Variants in CTNND2 observed in about 807,000 individuals in gnomAD.
CTNND2 encodes catenin delta 2.
CTNND2 carries 22 observed loss-of-function variants against 144.4 expected under a neutral mutation model. That is an observed-to-expected ratio of 0.15 (90% CI 0.11 to 0.22). CTNND2 has a LOEUF of 0.22. Ranked by LOEUF, CTNND2 falls within the 10% of genes least tolerant of loss-of-function variation. The probability of loss-of-function intolerance (pLI) is 1.00; values close to 1 mark genes in which losing one functional copy is unlikely to be tolerated. For missense variants in CTNND2, 1,353 were observed against 1,618.8 expected (o/e 0.84, Z 2.82); for synonymous variants, 751 against 695.6 (o/e 1.08, Z -1.25).
chr5:11,003,774 G>A (rs1561155773), intron 18 of CTNND2, among the ~76,000 whole-genome samples: 1 of 152,136 alleles, frequency 6.6e-6, no homozygotes, highest in African/African-American at 2.4e-5. Context: ...TAAATTTTAA[G>A]GGCCAAAAGG....
At chr5:11,173,959 G>C (rs1194438968) in intron 11 of CTNND2, among the ~76,000 whole-genome samples, 2 of 152,152 alleles carry the variant, frequency 1.3e-5, no homozygotes, top group Non-Finnish European at 2.9e-5. Flanking sequence ...GGGCAGGCAA[G>C]GTAGGAGGCC....
intron 16 of CTNND2, among the ~76,000 whole-genome samples, chr5:11,042,994 T>C (rs1408704409): frequency 1.3e-5 from 2 of 152,120 alleles, no homozygotes; most frequent in African/African-American, 4.8e-5. Context: ...TAGTATCCTT[T>C]CTCAAAAAAT....
chr5:11,466,621 T>C (rs938850134), intron 3 of CTNND2, among the ~76,000 whole-genome samples: 1 of 152,238 alleles, frequency 6.6e-6, no homozygotes, highest in Admixed American at 6.5e-5. Context: ...TCTTCCATTC[T>C]ATTTAAAGTA....
At chr5:11,884,655 T>C (rs1736386070) in intron 1 of CTNND2, among the ~76,000 whole-genome samples, 1 of 152,200 alleles carries the variant, frequency 6.6e-6, no homozygotes, top group Non-Finnish European at 1.5e-5. Context: ...ACTTTATTTT[T>C]TTCTCTTGTC....
intron 9 of CTNND2, among the ~76,000 whole-genome samples, chr5:11,325,213 A>G (rs1396440105): frequency 6.6e-6 from 1 of 152,118 alleles, no homozygotes; most frequent in Non-Finnish European, 1.5e-5. Context: ...AGGAATTTCC[A>G]TGGTTTTTCC....
chr5:11,331,775 G>C (rs907066159), intron 9 of CTNND2, among the ~76,000 whole-genome samples: 2 of 152,122 alleles, frequency 1.3e-5, no homozygotes, highest in African/African-American at 4.8e-5. Context: ...AGCTACTTTA[G>C]TGGGGAGGAG....
chr5:11,650,901 G>C (rs2126535648), intron 2 of CTNND2, among the ~76,000 whole-genome samples: 1 of 152,310 alleles, frequency 6.6e-6, no homozygotes, highest in Admixed American at 6.5e-5. Flanking sequence ...TATTTAATAG[G>C]AGAGCAGAGT....
At position 11,199,189 on chromosome 5, in the gene CTNND2, A is replaced by T. The variant is rs32264; in HGVS notation, c.1975+259T>A. ...GGGTATTGTACGATGCTCAACTACT[A>T]CTTCATCCACTGACAAAAACTGTTC... On this transcript the variant is annotated intron_variant, in intron 11 of 21. Coordinates refer to ENST00000304623, the MANE Select transcript of CTNND2 (RefSeq NM_001332.4). Among the ~76,000 whole-genome samples the T allele has an allele frequency of 0.5, 75,259 of 151,982 alleles. 19,373 individuals are homozygous for T. The highest frequency in any genetic ancestry group is 0.64 in the African/African-American group (26,604 of 41,438).
intron 3 of CTNND2, among the ~76,000 whole-genome samples, chr5:11,515,837 T>C (rs1772116462): frequency 6.6e-6 from 1 of 152,164 alleles, no homozygotes; most frequent in South Asian, 2.1e-4. Context: ...TTCAATTCAG[T>C]TAAAAAATAT....
At chr5:11,812,901 C>T (rs944939657) in intron 1 of CTNND2, among the ~76,000 whole-genome samples, 7 of 152,084 alleles carry the variant, frequency 4.6e-5, no homozygotes, top group African/African-American at 1.4e-4. Flanking sequence ...AAAAAATTCC[C>T]ACCATTAATT....
intron 1 of CTNND2, among the ~76,000 whole-genome samples, chr5:11,899,150 T>C (rs991166251): frequency 3.3e-5 from 5 of 152,226 alleles, no homozygotes; most frequent in African/African-American, 9.6e-5. Flanking sequence ...CTTTATGTAA[T>C]ACATTTAGCT....
intron 9 of CTNND2, among the ~76,000 whole-genome samples, chr5:11,255,467 AG>A (rs1744140752): frequency 2.0e-5 from 3 of 152,232 alleles, no homozygotes; most frequent in African/African-American, 7.2e-5. Context: ...ACAGCTAGGG[AG>A]GTTTCAAACA....
chr5:11,074,732 A>G (rs1748733094), intron 16 of CTNND2, among the ~76,000 whole-genome samples: 1 of 152,186 alleles, frequency 6.6e-6, no homozygotes, highest in Admixed American at 6.5e-5. Context: ...CCTGGCATGG[A>G]GGAAGGAGTA....
intron 2 of CTNND2, among the ~76,000 whole-genome samples, chr5:11,599,998 T>G (rs1439531020): frequency 6.6e-6 from 1 of 152,190 alleles, no homozygotes; most frequent in Non-Finnish European, 1.5e-5. Flanking sequence ...TCCCAAATAT[T>G]GAGACCACAA....
chr5:11,292,170 T>A (rs944817522), intron 9 of CTNND2, among the ~76,000 whole-genome samples: 1 of 152,138 alleles, frequency 6.6e-6, no homozygotes, highest in African/African-American at 2.4e-5. Context: ...ACCTTACATC[T>A]ATTGAGGATC....
At chr5:11,419,071 GA>G (rs1561364223) in intron 3 of CTNND2, among the ~76,000 whole-genome samples, 1 of 95,694 alleles carries the variant, frequency 1.0e-5, no homozygotes, top group African/African-American at 1.2e-4. Flanking sequence ...TATATATATA[GA>G]GAGAGAGAGA....
chr5:11,432,305 G>A (rs1046032344), intron 3 of CTNND2, among the ~76,000 whole-genome samples: 3 of 151,214 alleles, frequency 2.0e-5, no homozygotes, highest in African/African-American at 7.3e-5. Flanking sequence ...GACCCAAATT[G>A]TATGAAATTT....
rs192165363 is a variant in CTNND2 at position 11,499,119 on chromosome 5, T to C, written c.287+65825A>G. ...AAGAGGCTTCAGAACTCCTGTATTC[T>C]ACTATATCTCAAGTTTTGAGGGAAT... On this transcript the variant is annotated intron_variant, in intron 3 of 21. Coordinates refer to ENST00000304623, the MANE Select transcript of CTNND2 (RefSeq NM_001332.4). Among the ~76,000 whole-genome samples the C allele has an allele frequency of 2.9e-4, 44 of 152,332 alleles. No homozygotes were observed. The East Asian group carries it at 8.3e-3, about 29-fold the overall frequency.
At chr5:11,548,713 T>C (rs1452085958) in intron 3 of CTNND2, among the ~76,000 whole-genome samples, 1 of 152,154 alleles carries the variant, frequency 6.6e-6, no homozygotes, top group Admixed American at 6.5e-5. Context: ...CCGTGTAAAG[T>C]GACAAATCCA....
Sources: gnomAD v4.1 joint callset for allele counts (sites outside exome capture counted in the v4.1 genomes callset) on GRCh38, gnomAD v4.1.1 for gene constraint, MANE v1.5 for transcripts, NCBI Gene and HGNC (gene_info 2026-07-23, HGNC 2026-07-21) for gene names.